Variants in PTPRK observed in about 807,000 individuals in gnomAD.
PTPRK encodes the protein receptor-type tyrosine-protein phosphatase kappa.
Under a neutral mutation model 178.0 loss-of-function variants are expected in PTPRK, and 75 were observed. That is an observed-to-expected ratio of 0.42 (90% confidence interval 0.35 to 0.51). PTPRK has a LOEUF of 0.51. PTPRK is among the 20% of genes least tolerant of loss of function. The probability of loss-of-function intolerance (pLI) is 0.02; values close to 1 mark genes in which losing one functional copy is unlikely to be tolerated. For missense variants in PTPRK, 1,441 were observed against 1,797.8 expected, an observed-to-expected ratio of 0.80 and a Z score of 3.59; for synonymous variants, 637 against 620.6, an observed-to-expected ratio of 1.03 and a Z score of -0.39.
chr6:128,074,781 G>A (rs2114971298), intron 11 of PTPRK, among the ~76,000 whole-genome samples: 1 of 152,136 alleles, frequency 6.6e-6, no homozygotes, highest in South Asian at 2.1e-4. Context: ...CAATGTGGTT[G>A]GTGAAACTTA....
chr6:128,413,347 G>A (rs117301791), intron 1 of PTPRK, among the ~76,000 whole-genome samples: 28 of 151,762 alleles, frequency 1.8e-4, no homozygotes, highest in Admixed American at 1.2e-3. Flanking sequence ...CAAGGAAAAC[G>A]CAGAGCTCTA....
At chr6:128,439,280 A>G (rs1463854709) in intron 1 of PTPRK, among the ~76,000 whole-genome samples, 1 of 152,180 alleles carries the variant, frequency 6.6e-6, no homozygotes, top group African/African-American at 2.4e-5. Flanking sequence ...GGTAGATAAC[A>G]CCTGTATCCA....
At chr6:128,242,315 G>A (rs1814615736) in intron 4 of PTPRK, among the ~76,000 whole-genome samples, 1 of 152,026 alleles carries the variant, frequency 6.6e-6, no homozygotes, top group African/African-American at 2.4e-5. Context: ...CTCCTAATAG[G>A]TATACAATTA....
chr6:128,221,372 A>C (rs187975069), intron 5 of PTPRK, among the ~76,000 whole-genome samples: 14 of 151,988 alleles, frequency 9.2e-5, no homozygotes, highest in African/African-American at 3.4e-4. Flanking sequence ...AAAATACAAA[A>C]AATTAGCCAG....
intron 2 of PTPRK, among the ~76,000 whole-genome samples, chr6:128,359,143 G>A (rs542206190): frequency 6.6e-6 from 1 of 152,138 alleles, no homozygotes; most frequent in Non-Finnish European, 1.5e-5. Context: ...ACAACCCAGT[G>A]GTTGACTGTT....
chr6:128,456,439 A>T (rs965234124), intron 1 of PTPRK, among the ~76,000 whole-genome samples: 3 of 151,930 alleles, frequency 2.0e-5, no homozygotes, highest in African/African-American at 7.2e-5. Flanking sequence ...GTTTACCCTG[A>T]GTAAAAAAAA....
chr6:128,048,588 C>G (rs1413234032), intron 13 of PTPRK, among the ~76,000 whole-genome samples: 1 of 152,106 alleles, frequency 6.6e-6, no homozygotes, highest in Admixed American at 6.5e-5. Context: ...ATCCCCAGAC[C>G]CTTTATTTTT....
At chr6:128,369,315 T>C (rs1313918640) in intron 2 of PTPRK, among the ~76,000 whole-genome samples, 1 of 152,134 alleles carries the variant, frequency 6.6e-6, no homozygotes, top group African/African-American at 2.4e-5. Flanking sequence ...ATATTCCATA[T>C]GTAAATAACG....
chr6:128,186,030 T>C (rs560597544), intron 6 of PTPRK, among the ~76,000 whole-genome samples: 1 of 152,190 alleles, frequency 6.6e-6, no homozygotes, highest in Non-Finnish European at 1.5e-5. Context: ...AAATTAGGAA[T>C]AAGATTATCT....
chr6:128,346,608 A>C (rs1472978102), intron 2 of PTPRK, among the ~76,000 whole-genome samples: 1 of 152,188 alleles, frequency 6.6e-6, no homozygotes, highest in Non-Finnish European at 1.5e-5. Flanking sequence ...TCTTAAAGAA[A>C]GATAAAACAT....
intron 2 of PTPRK, among the ~76,000 whole-genome samples, chr6:128,359,926 G>A (rs577488440): frequency 1.3e-5 from 2 of 152,198 alleles, no homozygotes; most frequent in South Asian, 4.2e-4. Context: ...AGAGTCAAAG[G>A]AATGCTGGTC....
intron 1 of PTPRK, among the ~76,000 whole-genome samples, chr6:128,470,027 T>C (rs1850403415): frequency 6.6e-6 from 1 of 152,178 alleles, no homozygotes; most frequent in Non-Finnish European, 1.5e-5. Flanking sequence ...TGTGTTGTTT[T>C]ACGCCGCTAA....
At chr6:128,078,161 GA>G (rs1784169386) in intron 11 of PTPRK, among the ~76,000 whole-genome samples, 1 of 151,924 alleles carries the variant, frequency 6.6e-6, no homozygotes, top group Admixed American at 6.6e-5. Flanking sequence ...CTAGAGGGGG[GA>G]AAAAGGCCAA....
chr6:128,403,289 A>G (rs1167778860), intron 1 of PTPRK, among the ~76,000 whole-genome samples: 1 of 152,248 alleles, frequency 6.6e-6, no homozygotes, highest in Non-Finnish European at 1.5e-5. Flanking sequence ...TAACAAGTTC[A>G]GTTCCACCCC....
intron 29 of PTPRK, among the ~76,000 whole-genome samples, chr6:127,971,347 T>G (rs1187851573): frequency 6.6e-6 from 1 of 152,222 alleles, no homozygotes; most frequent in Non-Finnish European, 1.5e-5. Context: ...CATATTATTT[T>G]GGAATAGAAG....
At position 128,109,927 on chromosome 6, in the gene PTPRK, A is replaced by T. The variant is rs144150356; in HGVS notation, c.1163-19935T>A. 2.5e-4 allele frequency among the ~76,000 whole-genome samples: 38 copies of T among 152,208 alleles called. 1 individual carries two copies. In the East Asian group the frequency reaches 2.7e-3, roughly 11 times the overall value. On this transcript the variant is annotated intron_variant, in intron 7 of 29. Coordinates refer to ENST00000368226, the MANE Select transcript of PTPRK (RefSeq NM_002844.4). ...CTTTTTTGGGGGGGGAGGAGGAGAG[A>T]CAGGCTCTTGCTCTGTTGCCCTAGC...
chr6:128,197,376 A>C (rs1187431690), intron 6 of PTPRK, among the ~76,000 whole-genome samples: 1 of 151,968 alleles, frequency 6.6e-6, no homozygotes, highest in Non-Finnish European at 1.5e-5. Context: ...TAAAAGTCTG[A>C]CATTGAACAA....
intron 13 of PTPRK, among the ~76,000 whole-genome samples, chr6:128,051,610 T>C (rs866538227): frequency 1.3e-5 from 2 of 152,180 alleles, no homozygotes; most frequent in Non-Finnish European, 1.5e-5. Context: ...CCACTGGTTA[T>C]GCATCTTTCG....
chr6:128,346,773 C>T (rs1175574020), intron 2 of PTPRK, among the ~76,000 whole-genome samples: 2 of 152,060 alleles, frequency 1.3e-5, no homozygotes, highest in East Asian at 3.9e-4. Context: ...GATAATACAG[C>T]CTGCCTCATA....
Sources: gnomAD v4.1 joint callset for allele counts (sites outside exome capture counted in the v4.1 genomes callset) on GRCh38, gnomAD v4.1.1 for gene constraint, MANE v1.5 for transcripts, NCBI Gene and HGNC (gene_info 2026-07-23, HGNC 2026-07-21) for gene names.